Variants in SCHIP1 observed in about 807,000 individuals in gnomAD.
SCHIP1 encodes schwannomin-interacting protein 1.
SCHIP1 carries 8 observed loss-of-function variants against 29.7 expected under a neutral mutation model. The observed-to-expected ratio is 0.27, with a 90% CI of 0.16 to 0.49. SCHIP1 has a LOEUF of 0.49. Ranked by LOEUF, SCHIP1 falls within the 20% of genes least tolerant of loss-of-function variation. SCHIP1 has a pLI of 0.99. For missense variants in SCHIP1, 193 were observed against 294.6 expected (o/e 0.66, Z 2.52); for synonymous variants, 76 against 94.9 (o/e 0.80, Z 1.16).
chr3:159,338,834 A>G, the SCHIP1 span, among the ~76,000 whole-genome samples: 2 of 152,178 alleles, frequency 1.3e-5, no homozygotes, highest in Non-Finnish European at 2.9e-5. Context: ...ATCTCACCAA[A>G]TACAAAAGGC....
the SCHIP1 span, among the ~76,000 whole-genome samples, chr3:159,826,362 C>A: frequency 6.6e-6 from 1 of 152,152 alleles, no homozygotes; most frequent in Admixed American, 6.5e-5. Flanking sequence ...CTGCAGAAAT[C>A]CCGTCTGTCC....
chr3:159,713,650 A>C, the SCHIP1 span, among the ~76,000 whole-genome samples: 1 of 152,224 alleles, frequency 6.6e-6, no homozygotes, highest in Admixed American at 6.5e-5. Flanking sequence ...ATCTGCTAGA[A>C]GCATCCTTTG....
At chr3:159,507,660 A>G in the SCHIP1 span, among the ~76,000 whole-genome samples, 2 of 152,166 alleles carry the variant, frequency 1.3e-5, no homozygotes, top group African/African-American at 4.8e-5. Context: ...TAACTTATTG[A>G]GAGTTTTTAG....
At chr3:159,542,975 T>C in the SCHIP1 span, among the ~76,000 whole-genome samples, 2 of 151,962 alleles carry the variant, frequency 1.3e-5, no homozygotes, top group African/African-American at 4.8e-5. Flanking sequence ...ACTTAAAGGA[T>C]TACTATTCCA....
At chr3:159,279,517 T>C in the SCHIP1 span, among the ~76,000 whole-genome samples, 11 of 152,098 alleles carry the variant, frequency 7.2e-5, no homozygotes, top group African/African-American at 2.7e-4. Flanking sequence ...GAAAATAAAA[T>C]AGATTTTAGA....
At chr3:159,552,339 C>T in the SCHIP1 span, among the ~76,000 whole-genome samples, 1 of 152,154 alleles carries the variant, frequency 6.6e-6, no homozygotes, top group Non-Finnish European at 1.5e-5. Context: ...AGCCACTGCA[C>T]CCGGCCCACA....
the SCHIP1 span, among the ~76,000 whole-genome samples, chr3:159,655,773 C>T: frequency 6.6e-6 from 1 of 152,138 alleles, no homozygotes; most frequent in African/African-American, 2.4e-5. Flanking sequence ...CCTGTAATCC[C>T]AGCTACTCAG....
chr3:159,745,957 C>T, the SCHIP1 span, among the ~76,000 whole-genome samples: 2,662 of 152,160 alleles, frequency 0.017, 40 homozygotes, highest in Non-Finnish European at 0.026. Context: ...AGAATAAAGA[C>T]CACTGTCTTA....
the SCHIP1 span, among the ~76,000 whole-genome samples, chr3:159,650,570 G>A: frequency 2.0e-5 from 3 of 152,062 alleles, no homozygotes; most frequent in African/African-American, 7.2e-5. Context: ...TATATCCTTT[G>A]AACACTCCCC....
At chr3:159,496,769 G>A in the SCHIP1 span, among the ~76,000 whole-genome samples, 5 of 152,050 alleles carry the variant, frequency 3.3e-5, no homozygotes, top group South Asian at 2.1e-4. Flanking sequence ...ATACCCAAAG[G>A]ACTATAAATC....
chr3:159,741,234 A>T, the SCHIP1 span, among the ~76,000 whole-genome samples: 7 of 152,232 alleles, frequency 4.6e-5, no homozygotes, highest in Admixed American at 4.6e-4. Flanking sequence ...TTCAAAGCTC[A>T]AGAGCAAGCT....
chr3:159,390,549 A>T, the SCHIP1 span, among the ~76,000 whole-genome samples: 4 of 152,160 alleles, frequency 2.6e-5, no homozygotes, highest in African/African-American at 9.6e-5. Context: ...GAGGCATTCT[A>T]GTGAACTTAT....
chr3:159,647,528 A>G, the SCHIP1 span, among the ~76,000 whole-genome samples: 6 of 152,170 alleles, frequency 3.9e-5, no homozygotes, highest in African/African-American at 1.4e-4. Flanking sequence ...TAAGCTTCAT[A>G]TGGAGAAGCA....
At chr3:159,527,270 C>T in the SCHIP1 span, among the ~76,000 whole-genome samples, 1 of 152,180 alleles carries the variant, frequency 6.6e-6, no homozygotes, top group Non-Finnish European at 1.5e-5. Flanking sequence ...ATGCAAATAT[C>T]CCCTGTTCTC....
At chr3:159,817,781 C>T in the SCHIP1 span, among the ~76,000 whole-genome samples, 3 of 152,118 alleles carry the variant, frequency 2.0e-5, no homozygotes, top group Non-Finnish European at 4.4e-5. Context: ...TCGCTGTATT[C>T]TTACTGTGTG....
chr3:159,863,248 G>A (rs796800321), intron 1 of SCHIP1, among the ~76,000 whole-genome samples: 103 of 152,226 alleles, frequency 6.8e-4, no homozygotes, highest in African/African-American at 2.3e-3. Flanking sequence ...GCTAAGGCAG[G>A]AGAATTGCTT....
At chr3:159,432,365 A>G in the SCHIP1 span, among the ~76,000 whole-genome samples, 3 of 150,274 alleles carry the variant, frequency 2.0e-5, no homozygotes, top group Admixed American at 6.7e-5. Flanking sequence ...AGAGAGAGGG[A>G]GAGAGAGAGA....
At position 159,851,631 on chromosome 3, in the gene SCHIP1, A is replaced by G. The variant is rs201906540; in HGVS notation, c.30+11417A>G. ...CTAACCTCCTTTGGCAGGATTTAAC[A>G]TACACAGGGTCCTTCAAACTAGAGC... On this transcript the variant is annotated intron_variant, in intron 1 of 6. Transcript: ENST00000445224. Among the ~76,000 whole-genome samples the G allele has an allele frequency of 7.9e-5, 12 of 152,348 alleles. No homozygotes were observed. In the East Asian group the frequency reaches 9.6e-4, roughly 12 times the overall value.
At chr3:159,829,448 CA>C in the SCHIP1 span, among the ~76,000 whole-genome samples, 124 of 152,220 alleles carry the variant, frequency 8.1e-4, 1 homozygote, top group East Asian at 0.018. Flanking sequence ...ATTCAGAATA[CA>C]ACTACAAATG....
Sources: allele counts gnomAD v4.1 joint callset (sites outside exome capture counted in the v4.1 genomes callset), GRCh38; gene constraint gnomAD v4.1.1; transcripts MANE v1.5; gene names NCBI Gene and HGNC (gene_info 2026-07-23, HGNC 2026-07-21).